Variants in ST3GAL1 observed in about 807,000 individuals in gnomAD.
ST3GAL1 encodes ST3 beta-galactoside alpha-2,3-sialyltransferase 1.
Under a neutral mutation model 34.1 loss-of-function variants are expected in ST3GAL1, and 16 were observed. The observed-to-expected ratio is 0.47, with a 90% CI of 0.32 to 0.71. ST3GAL1 has a LOEUF of 0.71. ST3GAL1 is among the 30% of genes least tolerant of loss of function. The pLI is 0.04. For synonymous variants in ST3GAL1, 191 were observed against 184.7 expected, an observed-to-expected ratio of 1.03 and a Z score of -0.28; for missense variants, 353 against 447.4, an observed-to-expected ratio of 0.79 and a Z score of 1.90.
At chr8:133,564,437 A>G in intron 1 of ST3GAL1, among the ~76,000 whole-genome samples, 1 of 152,052 alleles carries the variant, frequency 6.6e-6, no homozygotes, top group Admixed American at 6.6e-5. Flanking sequence ...GCTCAATTCT[A>G]GAATCACAAT....
chr8:133,493,776 G>A (rs1263978410), intron 3 of ST3GAL1, among the ~76,000 whole-genome samples: 4 of 151,848 alleles, frequency 2.6e-5, no homozygotes, highest in African/African-American at 7.3e-5. Flanking sequence ...AACCTGGGAG[G>A]TGGAGGTTGC....
chr8:133,510,786 G>A (rs764272110), intron 2 of ST3GAL1, among the ~76,000 whole-genome samples: 3 of 152,164 alleles, frequency 2.0e-5, no homozygotes, highest in African/African-American at 4.8e-5. Flanking sequence ...TACTGACAGC[G>A]TCATGTTGCC....
intron 2 of ST3GAL1, among the ~76,000 whole-genome samples, chr8:133,501,824 G>T (rs114960407): frequency 0.011 from 1,691 of 152,242 alleles, 37 homozygotes; most frequent in African/African-American, 0.039. Context: ...CAATACGTAG[G>T]AATAGCCACA....
At position 133,475,764 on chromosome 8, in the gene ST3GAL1, G is replaced by A. The variant is rs2230542; in HGVS notation, c.261C>T (p.Thr87=). The A allele has an allele frequency of 0.52, 838,896 of 1,611,222 alleles. 222,785 individuals carry two copies. Among genetic ancestry groups the A allele is most frequent in the African/African-American group, 0.58 (43,155 of 74,854 alleles). ...RFNQTMQPLL[T]AQNALLEDDT... ...CGTCCTCCAAGAGCGCGTTCTGGGC[G>A]GTCAGCAGCGGCTGCATGGTCTGGT... The change falls in exon 5 of 10, where the codon ACC becomes ACT. Residue 87 remains threonine (T), a synonymous_variant. Transcript: ENST00000522652.
chr8:133,496,593 T>G (rs2130987034), intron 3 of ST3GAL1, among the ~76,000 whole-genome samples: 1 of 152,214 alleles, frequency 6.6e-6, no homozygotes, highest in Non-Finnish European at 1.5e-5. Context: ...GGAGGGGGCG[T>G]GACTTGCCCA....
At chr8:133,490,440 C>T (rs1216218334) in intron 3 of ST3GAL1, among the ~76,000 whole-genome samples, 1 of 152,258 alleles carries the variant, frequency 6.6e-6, no homozygotes, top group Non-Finnish European at 1.5e-5. Flanking sequence ...GGGCAGTTCA[C>T]ACGCATAAAT....
chr8:133,463,597 C>T (rs1481762777), intron 7 of ST3GAL1, 138 bp from the exon 8 acceptor site: 4 of 870,698 alleles, frequency 4.6e-6, no homozygotes, highest in Non-Finnish European at 7.3e-6. Context: ...CTCAGGGACC[C>T]CCACCTCCCT....
chr8:133,551,599 A>C (rs567963849), intron 1 of ST3GAL1, among the ~76,000 whole-genome samples: 24 of 150,030 alleles, frequency 1.6e-4, no homozygotes, highest in African/African-American at 5.5e-4. Flanking sequence ...AGAAAGAAAG[A>C]AAGAAAGAAA....
rs149745021 is a variant in ST3GAL1 at position 133,532,834 on chromosome 8, C to G, written c.-429+12940G>C. On this transcript the variant is annotated intron_variant, in intron 2 of 9. Transcript: ENST00000522652. ...AAAATGCCAGAAGAGTCCGCAGGTG[C>G]TGGGACAGCCACATGCTCCTCCCCA... 1.5e-3 allele frequency among the ~76,000 whole-genome samples: 226 copies of G among 152,296 alleles called. 1 individual carries two copies. Among genetic ancestry groups the G allele is most frequent in the African/African-American group, 5.2e-3 (215 of 41,572 alleles).
At chr8:133,477,949 G>T (rs1816241442) in intron 3 of ST3GAL1, among the ~76,000 whole-genome samples, 1 of 152,162 alleles carries the variant, frequency 6.6e-6, no homozygotes, top group African/African-American at 2.4e-5. Context: ...AATCCACAGT[G>T]CCCTTCTGAA....
intron 1 of ST3GAL1, among the ~76,000 whole-genome samples, chr8:133,561,414 T>A (rs1819218441): frequency 6.6e-6 from 1 of 152,158 alleles, no homozygotes; most frequent in South Asian, 2.1e-4. Flanking sequence ...AACCCTCCAC[T>A]GCCTCCCCTC....
At chr8:133,540,894 G>GAGACATATATATAT (rs1818471030) in intron 2 of ST3GAL1, among the ~76,000 whole-genome samples, 2 of 126,314 alleles carry the variant, frequency 1.6e-5, no homozygotes, top group Non-Finnish European at 3.3e-5. Context: ...CATATATATA[G>GAGACATATATATAT]ACATATATAT....
chr8:133,459,324 G>T lies in ST3GAL1; in HGVS notation c.*440C>A, dbSNP rs562105536. ...GCAAAGAAGGGCAGCATCTCGCCCC[G>T]AGCGCCAACACCGCCTGGCACGTCT... On this transcript the variant is annotated 3_prime_UTR_variant, in exon 10 of 10. Transcript: ENST00000522652. The surrounding 1 kb of genome is among the most constrained non-coding windows in gnomAD (Gnocchi z 4.7). The T allele has an allele frequency of 6.5e-6, 1 of 154,834 alleles. No individual in the cohort carries two copies. Among genetic ancestry groups the T allele is most frequent in the Non-Finnish European group, 1.4e-5 (1 of 69,972 alleles). 9.6% of individuals were successfully genotyped at this position (154,834 alleles called of 1,614,324 possible).
chr8:133,501,378 G>T (rs989701209), intron 2 of ST3GAL1, among the ~76,000 whole-genome samples: 1 of 152,192 alleles, frequency 6.6e-6, no homozygotes, highest in Admixed American at 6.5e-5. Flanking sequence ...CTCTCTTGAG[G>T]TGGGGAGCAG....
chr8:133,555,104 C>T lies in ST3GAL1; in HGVS notation c.-581-9178G>A, dbSNP rs567289564. Among the ~76,000 whole-genome samples, 740 of 152,218 alleles carry T rather than the reference C, an allele frequency of 4.9e-3. 5 individuals carry two copies. Among genetic ancestry groups the T allele is most frequent in the African/African-American group, 0.016 (680 of 41,534 alleles). Reference sequence around the variant, plus strand: ...AGGGATTTCCCGGCTGGTGTCTGTGCGGCCTGGGGAGGAAGCAGGCCACCC... The same window carrying T: ...AGGGATTTCCCGGCTGGTGTCTGTGTGGCCTGGGGAGGAAGCAGGCCACCC... On this transcript the variant is annotated intron_variant, in intron 1 of 9. Transcript: ENST00000522652.
intron 5 of ST3GAL1, among the ~76,000 whole-genome samples, chr8:133,471,982 A>C (rs995192033): frequency 6.6e-6 from 1 of 151,966 alleles, no homozygotes; most frequent in Non-Finnish European, 1.5e-5. Flanking sequence ...GAGAAGGCAG[A>C]GTCAGCATTC....
rs116858103 is a variant in ST3GAL1, at chr8:133,460,001, G to A, written c.850-64C>T. The stretch of plus-strand genomic sequence containing the variant: ...GCTGCTGGTGGCACCTCTGAGAAAG[G>A]AAGCCTGTAGGCGTTCCTGGAATCC... On this transcript the variant is annotated intron_variant, in intron 9 of 9. Transcript: ENST00000522652. 4,573 of 1,523,892 alleles carry A rather than the reference G, an allele frequency of 3.0e-3. 9 individuals are homozygous for A. The highest frequency in any genetic ancestry group is 3.8e-3 in the Non-Finnish European group (4,299 of 1,129,126). 94.4% of individuals were successfully genotyped at this position (1,523,892 alleles called of 1,614,324 possible).
chr8:133,560,366 T>G (rs1819182967), intron 1 of ST3GAL1, among the ~76,000 whole-genome samples: 1 of 152,094 alleles, frequency 6.6e-6, no homozygotes, highest in Non-Finnish European at 1.5e-5. Context: ...TGTAATAAAT[T>G]ATGATGAATT....
chr8:133,508,860 A>G lies in ST3GAL1; in HGVS notation c.-428-9671T>C, dbSNP rs1262344765. Among the ~76,000 whole-genome samples, 1 of 152,114 alleles carries G rather than the reference A, an allele frequency of 6.6e-6. No homozygotes were observed. Among genetic ancestry groups the G allele is most frequent in the Non-Finnish European group, 1.5e-5 (1 of 68,026 alleles). On this transcript the variant is annotated intron_variant, in intron 2 of 9. Coordinates refer to ENST00000522652, the MANE Select transcript of ST3GAL1 (RefSeq NM_173344.3). The surrounding 1 kb of genome is among the most constrained non-coding windows in gnomAD (Gnocchi z 4.1). ...GGTAAATGCTTTTGCACAAAACCCC[A>G]TAAGACTTAGAGGCAAGCAGAAATG...
Sources: allele counts gnomAD v4.1 joint callset (sites outside exome capture counted in the v4.1 genomes callset), GRCh38; gene constraint gnomAD v4.1.1; non-coding constraint Gnocchi (gnomAD v3.1); transcripts MANE v1.5; gene names NCBI Gene and HGNC (gene_info 2026-07-23, HGNC 2026-07-21).